The following ST7 variants were observed in gnomAD, a reference collection of about 807,000 sequenced individuals.
ST7 encodes the protein suppressor of tumorigenicity 7 protein.
In ST7, 28 loss-of-function variants were observed where a neutral mutation model predicts 78.7. The observed-to-expected ratio is 0.36, with a 90% confidence interval of 0.26 to 0.49. ST7 has a LOEUF of 0.49. Ranked by LOEUF, ST7 falls within the 20% of genes least tolerant of loss-of-function variation. The pLI, the probability that ST7 is intolerant of heterozygous loss-of-function variation, is 0.99. For synonymous variants in ST7, 247 were observed against 249.6 expected, an observed-to-expected ratio of 0.99 and a Z score of 0.10; for missense variants, 418 against 696.0, an observed-to-expected ratio of 0.60 and a Z score of 4.49.
Position 117,060,612 on chromosome 7 carries a change from A to G in ST7, c.152-39150A>G, listed in dbSNP as rs114743513. 5.1e-3 allele frequency among the ~76,000 whole-genome samples: 780 copies of G among 152,358 alleles called. 6 individuals carry two copies. Among genetic ancestry groups the G allele is most frequent in the African/African-American group, 0.018 (740 of 41,582 alleles). On this transcript the variant is annotated intron_variant, in intron 1 of 15. Coordinates refer to ENST00000323984, the MANE Select transcript of ST7 (RefSeq NM_001369598.1). ...TCAATAAAGTAATTCTATTAAAATG[A>G]TAGTTTGCAGGGTTTTAAAAATAAT...
intron 1 of ST7, among the ~76,000 whole-genome samples, chr7:117,069,390 G>T (rs1211063067): frequency 2.0e-5 from 3 of 152,138 alleles, no homozygotes; most frequent in Non-Finnish European, 2.9e-5. Flanking sequence ...GAATTTCAAT[G>T]GGCATACAGT....
intron 1 of ST7, chr7:116,956,449 T>C (rs199997448): frequency 6.4e-6 from 3 of 471,000 alleles, no homozygotes; most frequent in Non-Finnish European, 1.3e-5. Flanking sequence ...CTTCCTGTGA[T>C]GAAGGCAAGT....
intron 1 of ST7, among the ~76,000 whole-genome samples, chr7:117,031,280 C>CTGTA (rs564118008): frequency 5.2e-4 from 79 of 151,318 alleles, no homozygotes; most frequent in African/African-American, 1.9e-3. Flanking sequence ...ACAAAATAAT[C>CTGTA]TGTACATCAA....
At chr7:116,980,102 G>A (rs1793889473) in intron 1 of ST7, among the ~76,000 whole-genome samples, 2 of 151,460 alleles carry the variant, frequency 1.3e-5, no homozygotes, top group Admixed American at 6.6e-5. Flanking sequence ...GGGATTACAG[G>A]TACCCATCAC....
rs76009895 is a variant in ST7, at chr7:117,093,720, C to A, written c.152-6042C>A. On this transcript the variant is annotated intron_variant, in intron 1 of 15. Coordinates refer to ENST00000323984, the MANE Select transcript of ST7 (RefSeq NM_001369598.1). ...CGTCTCAAAAAAACAACAACAACAA[C>A]AAAAAAAATCAAAAGAAAAACAGCC... is the stretch of plus-strand genomic sequence containing the variant. Among the ~76,000 whole-genome samples the A allele has an allele frequency of 4.3e-3, 651 of 151,762 alleles. 3 individuals are homozygous for A. Among genetic ancestry groups the A allele is most frequent in the East Asian group, 0.022 (116 of 5,172 alleles).
intron 1 of ST7, among the ~76,000 whole-genome samples, chr7:117,004,393 A>G (rs1411572142): frequency 6.6e-6 from 1 of 152,200 alleles, no homozygotes; most frequent in African/African-American, 2.4e-5. Flanking sequence ...AATCTCAACA[A>G]TTCGGAAATA....
At chr7:116,967,118 CTTT>C (rs35773173) in intron 1 of ST7, among the ~76,000 whole-genome samples, 17 of 139,436 alleles carry the variant, frequency 1.2e-4, no homozygotes, top group Admixed American at 1.4e-4. Flanking sequence ...TTCTATCACT[CTTT>C]TTTTTTTTTT....
rs1454087573 is a variant in ST7, at chr7:117,014,560, A to G, written c.151+60869A>G. Among the ~76,000 whole-genome samples the G allele has an allele frequency of 3.9e-5, 6 of 152,370 alleles. No individual in the cohort carries two copies. The East Asian group carries it at 1.2e-3, about 29-fold the overall frequency. On this transcript the variant is annotated intron_variant, in intron 1 of 15. Transcript: ENST00000323984. ...TACTATCAAATGAATGAATGTAATG[A>G]CAAAATTGAGACAAAAATTTGGACG... is the stretch of plus-strand genomic sequence containing the variant.
intron 1 of ST7, among the ~76,000 whole-genome samples, chr7:117,074,202 C>G (rs1391786401): frequency 1.3e-5 from 2 of 152,076 alleles, no homozygotes; most frequent in East Asian, 3.9e-4. Context: ...ACCAGCCTGG[C>G]CAACATGGTG....
intron 1 of ST7, chr7:116,972,053 G>A (rs1175660889): frequency 2.3e-5 from 11 of 475,246 alleles, no homozygotes; most frequent in Non-Finnish European, 1.2e-5. Flanking sequence ...AAAGCGGAAA[G>A]CAGCCTTCCA....
chr7:117,093,708 C>A (rs1224115871), intron 1 of ST7, among the ~76,000 whole-genome samples: 3 of 151,906 alleles, frequency 2.0e-5, no homozygotes, highest in East Asian at 3.9e-4. Context: ...CTCAAAAAAA[C>A]AACAACAACA....
intron 9 of ST7, among the ~76,000 whole-genome samples, chr7:117,150,856 GT>G (rs1220099982): frequency 6.6e-6 from 1 of 152,148 alleles, no homozygotes; most frequent in African/African-American, 2.4e-5. Flanking sequence ...TGCCAAATCT[GT>G]TTCTTCACTA....
intron 1 of ST7, among the ~76,000 whole-genome samples, chr7:116,963,377 T>C (rs1464287701): frequency 6.6e-6 from 1 of 152,192 alleles, no homozygotes; most frequent in Non-Finnish European, 1.5e-5. Context: ...CCATTACCCA[T>C]CATTTAAAAC....
At chr7:117,099,099 A>G (rs1161506853) in intron 1 of ST7, among the ~76,000 whole-genome samples, 1 of 142,046 alleles carries the variant, frequency 7.0e-6, no homozygotes, top group Non-Finnish European at 1.5e-5. Context: ...GGTGCTTGGC[A>G]GTGAACATTC....
intron 2 of ST7, among the ~76,000 whole-genome samples, chr7:117,108,284 A>T (rs1038350534): frequency 2.6e-5 from 4 of 152,086 alleles, no homozygotes; most frequent in Admixed American, 2.0e-4. Context: ...AGCGATGAGG[A>T]TCTAGTTTCA....
At chr7:117,004,057 G>T (rs527581325) in intron 1 of ST7, among the ~76,000 whole-genome samples, 15 of 152,186 alleles carry the variant, frequency 9.9e-5, no homozygotes, top group Admixed American at 7.8e-4. Flanking sequence ...TCCTATTTAG[G>T]TTTTTTCTTT....
chr7:117,183,683 T>A (rs1002061607), intron 10 of ST7, among the ~76,000 whole-genome samples: 1 of 152,212 alleles, frequency 6.6e-6, no homozygotes, highest in African/African-American at 2.4e-5. Context: ...TGCAACCACT[T>A]TGGAACACTG....
intron 1 of ST7, among the ~76,000 whole-genome samples, chr7:116,966,439 C>T (rs892672971): frequency 2.0e-5 from 3 of 151,726 alleles, no homozygotes; most frequent in Admixed American, 6.6e-5. Flanking sequence ...TTAGTAGAGA[C>T]GATGTTGCAC....
At chr7:117,081,995 AGGCT>A (rs1334293507) in intron 1 of ST7, among the ~76,000 whole-genome samples, 6 of 152,130 alleles carry the variant, frequency 3.9e-5, no homozygotes, top group Non-Finnish European at 7.4e-5. Context: ...CAGGAAGGGC[AGGCT>A]GGAACTCTTG....
Sources: allele counts gnomAD v4.1 joint callset (sites outside exome capture counted in the v4.1 genomes callset), GRCh38; gene constraint gnomAD v4.1.1; transcripts MANE v1.5; gene names NCBI Gene and HGNC (gene_info 2026-07-23, HGNC 2026-07-21).